Variants in CCSER1 observed in about 807,000 individuals in gnomAD.
The protein encoded by CCSER1 is coiled-coil serine rich protein 1.
Under a neutral mutation model 82.0 loss-of-function variants are expected in CCSER1, and 41 were observed. That is an observed-to-expected ratio of 0.50 (90% CI 0.39 to 0.65). CCSER1 has a LOEUF of 0.65. CCSER1 is among the 30% of genes least tolerant of loss of function. The pLI is 0.00. For missense variants in CCSER1, 1,119 were observed against 1,064.2 expected (o/e 1.05, Z -0.72); for synonymous variants, 414 against 383.9 (o/e 1.08, Z -0.92).
At chr4:90,810,477 G>A (rs982387248) in intron 7 of CCSER1, among the ~76,000 whole-genome samples, 5 of 151,986 alleles carry the variant, frequency 3.3e-5, no homozygotes, top group African/African-American at 9.6e-5. Flanking sequence ...GTGAAACCCC[G>A]TCTCTACTAA....
intron 10 of CCSER1, among the ~76,000 whole-genome samples, chr4:91,292,195 A>C (rs544843185): frequency 3.7e-4 from 57 of 152,152 alleles, no homozygotes; most frequent in Admixed American, 1.2e-3. Context: ...CTGTATGTAC[A>C]TGGTCCACAG....
chr4:90,457,173 A>G (rs1175422998), intron 4 of CCSER1, among the ~76,000 whole-genome samples: 3 of 152,130 alleles, frequency 2.0e-5, no homozygotes, highest in African/African-American at 7.2e-5. Context: ...GTGTACCGCA[A>G]GTGGCTTCCA....
chr4:90,408,203 G>T (rs1754058890), intron 4 of CCSER1, among the ~76,000 whole-genome samples: 1 of 152,202 alleles, frequency 6.6e-6, no homozygotes, highest in Non-Finnish European at 1.5e-5. Context: ...CTCCACCTAT[G>T]GGGGCAGGGC....
chr4:90,789,380 CTTTT>C (rs1440016629), intron 7 of CCSER1, among the ~76,000 whole-genome samples: 1 of 152,102 alleles, frequency 6.6e-6, no homozygotes, highest in Non-Finnish European at 1.5e-5. Flanking sequence ...TTCACAATCA[CTTTT>C]TTGTTTTTCA....
chr4:90,745,761 C>T (rs1451317971), intron 7 of CCSER1, among the ~76,000 whole-genome samples: 4 of 141,162 alleles, frequency 2.8e-5, no homozygotes, highest in African/African-American at 1.1e-4. Context: ...GTGATCTCGG[C>T]TCACTGCAAG....
chr4:90,639,281 T>C (rs1442176397), intron 6 of CCSER1, among the ~76,000 whole-genome samples: 1 of 151,768 alleles, frequency 6.6e-6, no homozygotes, highest in African/African-American at 2.4e-5. Context: ...ATTGAATCAA[T>C]ATCAATAAAA....
At chr4:90,897,603 G>A (rs1411293658) in intron 8 of CCSER1, among the ~76,000 whole-genome samples, 1 of 152,012 alleles carries the variant, frequency 6.6e-6, no homozygotes, top group Non-Finnish European at 1.5e-5. Context: ...AAACATAAGA[G>A]TGCAAGTGTC....
intron 10 of CCSER1, among the ~76,000 whole-genome samples, chr4:91,382,063 G>T (rs181302630): frequency 1.5e-3 from 224 of 152,248 alleles, no homozygotes; most frequent in African/African-American, 5.2e-3. Context: ...GGAGGCTGCC[G>T]AACAGTGGAT....
At chr4:91,092,699 T>C (rs1724089171) in intron 10 of CCSER1, among the ~76,000 whole-genome samples, 1 of 152,202 alleles carries the variant, frequency 6.6e-6, no homozygotes, top group Admixed American at 6.5e-5. Flanking sequence ...TTCCATCTGG[T>C]AACTGTATCC....
At chr4:90,397,343 A>G (rs773265158) in intron 3 of CCSER1, among the ~76,000 whole-genome samples, 9 of 152,332 alleles carry the variant, frequency 5.9e-5, no homozygotes, top group Middle Eastern at 6.8e-3. Context: ...AAATGTTAGA[A>G]TAGCAGTGGC....
intron 6 of CCSER1, among the ~76,000 whole-genome samples, chr4:90,690,216 T>C (rs1447258185): frequency 6.6e-6 from 1 of 152,010 alleles, no homozygotes; most frequent in Non-Finnish European, 1.5e-5. Context: ...ATATTGATAT[T>C]GAAGGCACAA....
At chr4:91,381,993 A>G (rs1161876004) in intron 10 of CCSER1, among the ~76,000 whole-genome samples, 1 of 152,174 alleles carries the variant, frequency 6.6e-6, no homozygotes, top group Non-Finnish European at 1.5e-5. Context: ...TGAAGGTTCC[A>G]ACTCTGTTGG....
At chr4:91,260,650 C>CA (rs1287292337) in intron 10 of CCSER1, among the ~76,000 whole-genome samples, 1 of 152,126 alleles carries the variant, frequency 6.6e-6, no homozygotes, top group Non-Finnish European at 1.5e-5. Context: ...CTTCTTACGG[C>CA]AAAAGACTCT....
At chr4:90,540,297 A>G (rs896002033) in intron 5 of CCSER1, among the ~76,000 whole-genome samples, 4 of 152,130 alleles carry the variant, frequency 2.6e-5, no homozygotes, top group Non-Finnish European at 5.9e-5. Context: ...CTTAAATTCA[A>G]TAACATATTT....
chr4:90,172,795 T>C (rs1055954113), intron 1 of CCSER1, among the ~76,000 whole-genome samples: 2 of 151,744 alleles, frequency 1.3e-5, no homozygotes, highest in Non-Finnish European at 2.9e-5. Flanking sequence ...AATAGTAAAA[T>C]GAAATAGTGA....
intron 4 of CCSER1, among the ~76,000 whole-genome samples, chr4:90,462,497 A>G: frequency 6.6e-6 from 1 of 152,192 alleles, no homozygotes; most frequent in East Asian, 1.9e-4. Flanking sequence ...TGTAGAGAAG[A>G]TATTTTCACA....
intron 5 of CCSER1, among the ~76,000 whole-genome samples, chr4:90,612,494 T>G (rs2148828649): frequency 6.6e-6 from 1 of 151,970 alleles, no homozygotes; most frequent in Middle Eastern, 3.4e-3. Context: ...TAAGATAAAC[T>G]TATTAGATTT....
chr4:91,243,176 G>A (rs775458963), intron 10 of CCSER1, among the ~76,000 whole-genome samples: 5 of 152,112 alleles, frequency 3.3e-5, no homozygotes, highest in Non-Finnish European at 7.4e-5. Context: ...AGCCAAGCTG[G>A]GCTTAGCCAG....
intron 5 of CCSER1, among the ~76,000 whole-genome samples, chr4:90,579,190 A>G (rs1178571640): frequency 6.6e-6 from 1 of 152,154 alleles, no homozygotes; most frequent in African/African-American, 2.4e-5. Flanking sequence ...TCATTGTTCA[A>G]ATCATCTTTT....
Sources: gnomAD v4.1 joint callset for allele counts (sites outside exome capture counted in the v4.1 genomes callset) on GRCh38, gnomAD v4.1.1 for gene constraint, MANE v1.5 for transcripts, NCBI Gene and HGNC (gene_info 2026-07-23, HGNC 2026-07-21) for gene names.